The following HMGCLL1 variants were observed in gnomAD, a reference collection of about 807,000 sequenced individuals.
The protein encoded by HMGCLL1 is 3-hydroxy-3-methylglutaryl-CoA lyase like 1.
A neutral mutation model predicts 39.1 loss-of-function variants in HMGCLL1; 36 were observed. That is an observed-to-expected ratio of 0.92 (90% confidence interval 0.71 to 1.22). The LOEUF (loss-of-function observed/expected upper bound fraction) is 1.22. Ranked by LOEUF, HMGCLL1 falls within the 50% of genes most tolerant of loss-of-function variation. The pLI, the probability that HMGCLL1 is intolerant of heterozygous loss-of-function variation, is 0.00. For missense variants in HMGCLL1, 451 were observed against 416.5 expected (o/e 1.08, Z -0.72); for synonymous variants, 149 against 144.0 (o/e 1.03, Z -0.25).
intron 7 of HMGCLL1, among the ~76,000 whole-genome samples, chr6:55,453,260 G>A (rs1238867674): frequency 6.6e-6 from 1 of 152,080 alleles, no homozygotes; most frequent in Admixed American, 6.5e-5. Flanking sequence ...CTCACTGCAA[G>A]CTCCACCTCC....
chr6:55,671,286 A>G, the HMGCLL1 span, among the ~76,000 whole-genome samples: 1 of 151,686 alleles, frequency 6.6e-6, no homozygotes, highest in African/African-American at 2.4e-5. Flanking sequence ...TTAGTTGGAG[A>G]GATTTGAAGC....
chr6:55,491,105 C>T (rs1214152002), intron 7 of HMGCLL1, among the ~76,000 whole-genome samples: 2 of 152,120 alleles, frequency 1.3e-5, no homozygotes, highest in Non-Finnish European at 2.9e-5. Context: ...CTCAGGGAAG[C>T]AGACATCATT....
the HMGCLL1 span, among the ~76,000 whole-genome samples, chr6:55,630,732 T>C: frequency 2.0e-5 from 3 of 150,958 alleles, no homozygotes; most frequent in South Asian, 6.3e-4. Context: ...GATCTGATGG[T>C]TTTATAAGGG....
At chr6:55,466,907 T>G (rs1012873378) in intron 7 of HMGCLL1, among the ~76,000 whole-genome samples, 2 of 152,086 alleles carry the variant, frequency 1.3e-5, no homozygotes, top group African/African-American at 2.4e-5. Flanking sequence ...GAGTTTTACC[T>G]TTACTAGTGA....
At chr6:55,644,905 T>C in the HMGCLL1 span, among the ~76,000 whole-genome samples, 1 of 152,032 alleles carries the variant, frequency 6.6e-6, no homozygotes, top group Non-Finnish European at 1.5e-5. Context: ...CCACATATGT[T>C]TTAACATTGG....
chr6:55,554,599 A>G (rs1770550947), intron 1 of HMGCLL1, among the ~76,000 whole-genome samples: 1 of 152,120 alleles, frequency 6.6e-6, no homozygotes, highest in Admixed American at 6.6e-5. Flanking sequence ...TTCAGAAACC[A>G]TAATATTTGG....
At chr6:55,471,133 G>T (rs768727692) in intron 7 of HMGCLL1, among the ~76,000 whole-genome samples, 7 of 151,736 alleles carry the variant, frequency 4.6e-5, no homozygotes, top group Non-Finnish European at 8.8e-5. Context: ...GTTATAATAT[G>T]ATTGGTAAAT....
chr6:55,518,910 T>C (rs4236132), intron 3 of HMGCLL1, among the ~76,000 whole-genome samples: 103,840 of 151,986 alleles, frequency 0.68, 35,529 homozygotes, highest in Admixed American at 0.72. Flanking sequence ...TGTTTACTTA[T>C]GCCACTAAGT....
At chr6:55,607,737 T>C in the HMGCLL1 span, among the ~76,000 whole-genome samples, 1 of 152,132 alleles carries the variant, frequency 6.6e-6, no homozygotes, top group Non-Finnish European at 1.5e-5. Context: ...TCCCAGGTGT[T>C]GATCCCAAGA....
intron 5 of HMGCLL1, among the ~76,000 whole-genome samples, chr6:55,502,522 T>G (rs929231915): frequency 5.3e-5 from 8 of 151,816 alleles, no homozygotes; most frequent in African/African-American, 1.9e-4. Context: ...TTTATTTTTC[T>G]GGGTTTCACT....
At chr6:55,481,537 AC>A (rs1376548496) in intron 7 of HMGCLL1, among the ~76,000 whole-genome samples, 1 of 151,640 alleles carries the variant, frequency 6.6e-6, no homozygotes, top group East Asian at 1.9e-4. Flanking sequence ...ACTACTATGT[AC>A]CCCCCAAAAT....
chr6:55,607,980 G>GA, the HMGCLL1 span, among the ~76,000 whole-genome samples: 20 of 151,906 alleles, frequency 1.3e-4, 1 homozygote, highest in South Asian at 2.7e-3. Flanking sequence ...AATCTCACAT[G>GA]AAAAAAAATA....
chr6:55,558,306 G>A (rs749174162), intron 1 of HMGCLL1, among the ~76,000 whole-genome samples: 7 of 152,260 alleles, frequency 4.6e-5, no homozygotes, highest in Admixed American at 1.3e-4. Flanking sequence ...GTGGGTTATC[G>A]TTAGATGAAT....
chr6:55,590,658 T>A, the HMGCLL1 span, among the ~76,000 whole-genome samples: 14 of 152,044 alleles, frequency 9.2e-5, no homozygotes, highest in Non-Finnish European at 1.5e-5. Context: ...TCTGATTTCA[T>A]GAGATTTTTA....
upstream of HMGCLL1, among the ~76,000 whole-genome samples, chr6:55,579,639 G>A (rs866431416): frequency 2.0e-5 from 3 of 152,146 alleles, no homozygotes; most frequent in African/African-American, 7.2e-5. Flanking sequence ...CTAATGAAAA[G>A]GAAAAGATAG....
At chr6:55,454,547 G>C (rs1764242081) in intron 7 of HMGCLL1, among the ~76,000 whole-genome samples, 1 of 152,230 alleles carries the variant, frequency 6.6e-6, no homozygotes, top group Non-Finnish European at 1.5e-5. Context: ...TGGTGGGCAA[G>C]AGGGAACTAA....
intron 1 of HMGCLL1, among the ~76,000 whole-genome samples, chr6:55,553,718 A>G (rs573373016): frequency 5.9e-5 from 9 of 152,312 alleles, no homozygotes; most frequent in Admixed American, 2.6e-4. Context: ...ACTTGAAGAC[A>G]TGGGACATTT....
chr6:55,548,632 A>T (rs532516866), intron 1 of HMGCLL1, among the ~76,000 whole-genome samples: 155 of 152,130 alleles, frequency 1.0e-3, no homozygotes, highest in African/African-American at 3.6e-3. Flanking sequence ...CCATTTTTTT[A>T]AAAGTAGCTT....
chr6:55,485,037 CAT>C (rs370475505), intron 7 of HMGCLL1, among the ~76,000 whole-genome samples: 1 of 152,138 alleles, frequency 6.6e-6, no homozygotes, highest in South Asian at 2.1e-4. Flanking sequence ...TTGTTGAACA[CAT>C]GTTAGAATCT....
Sources: gnomAD v4.1 joint callset for allele counts (sites outside exome capture counted in the v4.1 genomes callset) on GRCh38, gnomAD v4.1.1 for gene constraint, MANE v1.5 for transcripts, NCBI Gene and HGNC (gene_info 2026-07-23, HGNC 2026-07-21) for gene names.